INPP4B: variants seen among roughly 807,000 people sequenced by gnomAD.
INPP4B encodes inositol polyphosphate-4-phosphatase type II B.
INPP4B carries 55 observed loss-of-function variants against 122.5 expected under a neutral mutation model. The ratio of observed to expected loss-of-function variants is 0.45; its 90% CI spans 0.36 to 0.56. The LOEUF (loss-of-function observed/expected upper bound fraction) is 0.56. INPP4B is among the 20% of genes least tolerant of loss of function. The pLI is 0.00. For missense variants in INPP4B, 1,000 were observed against 1,097.7 expected, an observed-to-expected ratio of 0.91 and a Z score of 1.26; for synonymous variants, 403 against 388.7, an observed-to-expected ratio of 1.04 and a Z score of -0.43.
chr4:142,511,824 T>G (rs571794600), intron 2 of INPP4B, among the ~76,000 whole-genome samples: 1 of 152,350 alleles, frequency 6.6e-6, no homozygotes, highest in Non-Finnish European at 1.5e-5. Flanking sequence ...TATATTTTCA[T>G]AACTGATGGC....
chr4:142,656,391 A>G (rs889355637), intron 2 of INPP4B, among the ~76,000 whole-genome samples: 2 of 152,236 alleles, frequency 1.3e-5, no homozygotes, highest in African/African-American at 4.8e-5. Flanking sequence ...AAATGGGGAC[A>G]CAAAACCTCT....
At chr4:142,624,486 A>G (rs1280060504) in intron 2 of INPP4B, among the ~76,000 whole-genome samples, 3 of 151,716 alleles carry the variant, frequency 2.0e-5, no homozygotes, top group Non-Finnish European at 2.9e-5. Flanking sequence ...TCAGATGAGT[A>G]GGTTGTGAAA....
chr4:142,679,994 G>T (rs922917454), intron 2 of INPP4B, among the ~76,000 whole-genome samples: 2 of 151,660 alleles, frequency 1.3e-5, no homozygotes, highest in African/African-American at 4.8e-5. Flanking sequence ...TGAAGACCTG[G>T]CTTCTCTTTC....
Position 142,630,335 on chromosome 4 carries a change from C to T in INPP4B, c.-191+95504G>A, listed in dbSNP as rs140079259. On this transcript the variant is annotated intron_variant, in intron 2 of 25. Transcript: ENST00000262992. Reference sequence around the variant, plus strand: ...TCTGTTACTTACAGCCAACATAGTACGTTTCTGTTTTGTGTTTATCTTTTA... The same window carrying T: ...TCTGTTACTTACAGCCAACATAGTATGTTTCTGTTTTGTGTTTATCTTTTA... 8.6e-3 allele frequency among the ~76,000 whole-genome samples: 1,310 copies of T among 152,120 alleles called. 25 individuals carry two copies. Among genetic ancestry groups the T allele is most frequent in the African/African-American group, 0.03 (1,242 of 41,522 alleles).
chr4:142,064,991 G>A (rs1302126947), intron 25 of INPP4B, among the ~76,000 whole-genome samples: 2 of 152,124 alleles, frequency 1.3e-5, no homozygotes, highest in African/African-American at 4.8e-5. Flanking sequence ...AAAAAATTTA[G>A]TATTTTCAGC....
At chr4:142,612,061 G>T (rs1742658613) in intron 2 of INPP4B, among the ~76,000 whole-genome samples, 1 of 152,102 alleles carries the variant, frequency 6.6e-6, no homozygotes, top group Admixed American at 6.5e-5. Context: ...CAATAGGTTT[G>T]CATACCCTAT....
chr4:142,503,091 G>A (rs1331288981), intron 2 of INPP4B, among the ~76,000 whole-genome samples: 1 of 152,170 alleles, frequency 6.6e-6, no homozygotes, highest in Non-Finnish European at 1.5e-5. Context: ...ACTCACTAGA[G>A]TGAAATAACA....
At chr4:142,664,809 T>C (rs1423962069) in intron 2 of INPP4B, among the ~76,000 whole-genome samples, 1 of 152,200 alleles carries the variant, frequency 6.6e-6, no homozygotes, top group Non-Finnish European at 1.5e-5. Flanking sequence ...TCAACCAAAA[T>C]CCTTATGTAG....
intron 18 of INPP4B, among the ~76,000 whole-genome samples, chr4:142,131,209 A>G (rs985583361): frequency 3.9e-5 from 6 of 152,198 alleles, no homozygotes; most frequent in African/African-American, 7.2e-5. Context: ...AATAAGCTGC[A>G]TAGGTCATAG....
intron 12 of INPP4B, among the ~76,000 whole-genome samples, chr4:142,230,868 T>C (rs1444508514): frequency 2.6e-5 from 4 of 152,168 alleles, no homozygotes; most frequent in African/African-American, 4.8e-5. Flanking sequence ...CATATGAGCC[T>C]TTCTTCACAG....
At chr4:142,783,471 C>T (rs1442788730) in intron 1 of INPP4B, among the ~76,000 whole-genome samples, 2 of 152,042 alleles carry the variant, frequency 1.3e-5, no homozygotes, top group African/African-American at 2.4e-5. Flanking sequence ...GGGTATCTTC[C>T]ATATTGGCAA....
At chr4:142,624,717 G>A (rs995690426) in intron 2 of INPP4B, among the ~76,000 whole-genome samples, 9 of 152,054 alleles carry the variant, frequency 5.9e-5, no homozygotes, top group South Asian at 2.1e-4. Context: ...ATGAACATTC[G>A]TGAAAAAATC....
At chr4:142,729,367 G>A (rs1765766689) in intron 1 of INPP4B, among the ~76,000 whole-genome samples, 1 of 152,284 alleles carries the variant, frequency 6.6e-6, no homozygotes, top group African/African-American at 2.4e-5. Context: ...CTGACTTACA[G>A]TTTTAACAGT....
chr4:142,294,136 C>T (rs1268006481), intron 9 of INPP4B, among the ~76,000 whole-genome samples: 2 of 152,144 alleles, frequency 1.3e-5, no homozygotes, highest in African/African-American at 4.8e-5. Context: ...GCCCAGACTT[C>T]ACCATTATGC....
chr4:142,562,435 A>C (rs2150125281), intron 2 of INPP4B, among the ~76,000 whole-genome samples: 1 of 152,306 alleles, frequency 6.6e-6, no homozygotes, highest in African/African-American at 2.4e-5. Context: ...TTATGCATTA[A>C]GTTTTGTAAC....
In INPP4B at chr4:142,434,250, C is replaced by T. The variant is rs531529048; in HGVS notation, c.-126-2865G>A. 3.9e-5 allele frequency among the ~76,000 whole-genome samples: 6 copies of T among 152,192 alleles called. No homozygotes were observed. The East Asian group carries it at 1.2e-3, about 30-fold the overall frequency. On this transcript the variant is annotated intron_variant, in intron 3 of 25. Coordinates refer to ENST00000262992, the MANE Select transcript of INPP4B (RefSeq NM_001101669.3). ...TTTTACATAATGAGCTGAAGACACT[C>T]CTGAAATCCATGAAGTTGGAATCAG...
chr4:142,379,633 C>A (rs925460085), intron 7 of INPP4B, among the ~76,000 whole-genome samples: 3 of 152,196 alleles, frequency 2.0e-5, no homozygotes, highest in African/African-American at 7.2e-5. Context: ...GCCTATAAAA[C>A]CTTACAGTAA....
intron 2 of INPP4B, among the ~76,000 whole-genome samples, chr4:142,556,280 T>C (rs1729144835): frequency 6.6e-6 from 1 of 152,166 alleles, no homozygotes; most frequent in South Asian, 2.1e-4. Context: ...TACACTGTGT[T>C]CCCACTGTCA....
intron 2 of INPP4B, among the ~76,000 whole-genome samples, chr4:142,607,874 A>G (rs749830620): frequency 6.6e-6 from 1 of 152,248 alleles, no homozygotes; most frequent in Admixed American, 6.5e-5. Context: ...TTAATTCCTC[A>G]ATAAATCAGT....
Sources: gnomAD v4.1 joint callset for allele counts (sites outside exome capture counted in the v4.1 genomes callset) on GRCh38, gnomAD v4.1.1 for gene constraint, MANE v1.5 for transcripts, NCBI Gene and HGNC (gene_info 2026-07-23, HGNC 2026-07-21) for gene names.